The following DMD variants were observed in gnomAD, a reference collection of about 807,000 sequenced individuals.
DMD encodes the protein dystrophin.
DMD carries 63 observed loss-of-function variants against 330.1 expected under a neutral mutation model. That is an observed-to-expected ratio of 0.19 (90% CI 0.16 to 0.24). The LOEUF (loss-of-function observed/expected upper bound fraction) is 0.24. DMD is among the 10% of genes least tolerant of loss of function. The pLI, the probability that DMD is intolerant of heterozygous loss-of-function variation, is 1.00. For missense variants in DMD, 3,344 were observed against 2,684.1 expected (o/e 1.25, Z -5.43); for synonymous variants, 1,223 against 959.8 (o/e 1.27, Z -5.07).
chrX:32,470,728 G>C (rs1347338961), intron 22 of DMD, among the ~76,000 whole-genome samples: 1 of 110,958 alleles, frequency 9.0e-6, no homozygotes, highest in Non-Finnish European at 1.9e-5. Context: ...GCTACCATTT[G>C]GTATTGTAGT....
chrX:31,943,966 A>G (rs2095047440), intron 45 of DMD, among the ~76,000 whole-genome samples: 1 of 109,955 alleles, frequency 9.1e-6, no homozygotes, highest in Non-Finnish European at 1.9e-5. Flanking sequence ...ATACTCGAGC[A>G]GAAAGGCAAA....
At chrX:33,129,591 G>A (rs1698765682) in intron 1 of DMD, among the ~76,000 whole-genome samples, 2 of 107,767 alleles carry the variant, frequency 1.9e-5, no homozygotes, top group Admixed American at 1.0e-4. Context: ...CATGGACCGT[G>A]CTGGCAGTAA....
intron 44 of DMD, among the ~76,000 whole-genome samples, chrX:32,076,537 G>A (rs2096352823): frequency 9.2e-6 from 1 of 108,673 alleles, no homozygotes; most frequent in Non-Finnish European, 1.9e-5. Context: ...CTGCCAGCAC[G>A]CCCGGCTAAT....
intron 16 of DMD, among the ~76,000 whole-genome samples, chrX:32,563,149 GC>G (rs1365220369): frequency 2.7e-5 from 3 of 109,505 alleles, no homozygotes; most frequent in Non-Finnish European, 5.7e-5. Context: ...GACCACCCTG[GC>G]CAACATGGTG....
chrX:33,259,094 C>A lies in DMD; in HGVS notation c.7+80165G>T, dbSNP rs181890985. 1.1e-4 allele frequency among the ~76,000 whole-genome samples: 12 copies of A among 111,087 alleles called. No homozygotes were observed. In the East Asian group the frequency reaches 3.1e-3, roughly 29 times the overall value. On this transcript the variant is annotated intron_variant, in intron 1 of 17. Coordinates refer to the DMD transcript ENST00000288447. ...CCAAAGGAAGCTCATGAGCATATGG[C>A]GCTTTACTGTGCGTTTAAAAAATTG...
At chrX:32,715,610 G>A (rs1018258261) in intron 7 of DMD, among the ~76,000 whole-genome samples, 3 of 109,254 alleles carry the variant, frequency 2.7e-5, no homozygotes, top group Non-Finnish European at 5.7e-5. Flanking sequence ...TGAGACCCTG[G>A]CCAACATGGT....
Position 32,586,054 on chromosome X carries a change from T to G in DMD, c.1602+9703A>C, listed in dbSNP as rs746871646. Reference sequence around the variant, plus strand: ...TTTCATTAGAATATTCAACATTTATTTATACTTGATACAATGTGCAGTTGA... The same window carrying G: ...TTTCATTAGAATATTCAACATTTATGTATACTTGATACAATGTGCAGTTGA... On this transcript the variant is annotated intron_variant, in intron 13 of 78. Transcript: ENST00000357033. Among the ~76,000 whole-genome samples, 245 of 111,508 alleles carry G rather than the reference T, an allele frequency of 2.2e-3. 1 individual carries two copies. The highest frequency in any genetic ancestry group is 3.9e-3 in the Non-Finnish European group (205 of 53,083).
At chrX:31,871,804 A>G (rs1364943341) in intron 48 of DMD, among the ~76,000 whole-genome samples, 1 of 110,186 alleles carries the variant, frequency 9.1e-6, no homozygotes, top group East Asian at 2.9e-4. Flanking sequence ...AAGTAAAGCA[A>G]AGTCTAGTGT....
intron 2 of DMD, among the ~76,000 whole-genome samples, chrX:32,951,145 A>G (rs1195606345): frequency 1.8e-5 from 2 of 111,270 alleles, no homozygotes; most frequent in Non-Finnish European, 3.8e-5. Context: ...CCATGGGGTA[A>G]AACTACTGTG....
intron 13 of DMD, among the ~76,000 whole-genome samples, chrX:32,584,291 A>G (rs188355871): frequency 6.7e-4 from 75 of 112,020 alleles, no homozygotes; most frequent in Non-Finnish European, 1.4e-3. Context: ...GTATTCAAGA[A>G]GATATGAAGC....
chrX:32,874,329 G>A (rs933059833), intron 2 of DMD, among the ~76,000 whole-genome samples: 3 of 111,870 alleles, frequency 2.7e-5, no homozygotes, highest in African/African-American at 9.7e-5. Flanking sequence ...CAAAGATTGA[G>A]CTTAGAAAAT....
intron 60 of DMD, among the ~76,000 whole-genome samples, chrX:31,436,469 C>CA (rs199950204): frequency 0.12 from 12,088 of 100,843 alleles, 576 homozygotes; most frequent in East Asian, 0.24. Flanking sequence ...CTGATGCCTT[C>CA]AAAAAAAAAA....
At chrX:32,173,460 C>T (rs1018352857) in intron 44 of DMD, among the ~76,000 whole-genome samples, 6 of 110,845 alleles carry the variant, frequency 5.4e-5, no homozygotes, top group Non-Finnish European at 9.4e-5. Flanking sequence ...GCAACCTCCG[C>T]CTCCCAGGTT....
chrX:33,154,311 T>C (rs1333852973), intron 1 of DMD, among the ~76,000 whole-genome samples: 1 of 111,157 alleles, frequency 9.0e-6, no homozygotes, highest in African/African-American at 3.3e-5. Context: ...GCAGGAGAAT[T>C]GCTTGAGCCC....
chrX:32,733,760 A>C lies in DMD; in HGVS notation c.650-34467T>G, dbSNP rs868156495. On this transcript the variant is annotated intron_variant, in intron 7 of 78. Transcript: ENST00000357033. The stretch of plus-strand genomic sequence containing the variant: ...ACCAGAATCTCTGGGACACATTCAA[A>C]GCAGTGTGTAGAGGGAAATTTATAG... Among the ~76,000 whole-genome samples, 44 of 107,701 alleles carry C rather than the reference A, an allele frequency of 4.1e-4. No homozygotes were observed. In the Middle Eastern group the frequency reaches 0.019, roughly 46 times the overall value. 93.5% of individuals were successfully genotyped at this position (107,701 alleles called of 115,157 possible).
chrX:32,781,819 A>G (rs757690472), intron 7 of DMD, among the ~76,000 whole-genome samples: 13 of 111,588 alleles, frequency 1.2e-4, no homozygotes, highest in African/African-American at 3.9e-4. Flanking sequence ...AAGAATGCTC[A>G]CTAAAGATTT....
chrX:31,565,437 G>T (rs115387357), intron 55 of DMD, among the ~76,000 whole-genome samples: 1 of 111,966 alleles, frequency 8.9e-6, no homozygotes, highest in Non-Finnish European at 1.9e-5. Flanking sequence ...ATAATTCTGT[G>T]GAGATTGATC....
intron 9 of DMD, among the ~76,000 whole-genome samples, chrX:32,695,501 G>A (rs2063582155): frequency 9.0e-6 from 1 of 110,926 alleles, no homozygotes; most frequent in South Asian, 3.8e-4. Context: ...CTTGTTATAT[G>A]GACAAAATTA....
rs6631638 is a variant in DMD, at chrX:32,730,357, A to G, written c.650-31064T>C. The stretch of plus-strand genomic sequence containing the variant: ...TAATATCTTGTCTCTTAAAATAAAT[A>G]AAATGTAATGGTGCCATAAGTAAAT... On this transcript the variant is annotated intron_variant, in intron 7 of 78. Transcript: ENST00000357033. Among the ~76,000 whole-genome samples, 122 of 112,115 alleles carry G rather than the reference A, an allele frequency of 1.1e-3. 2 individuals carry two copies. The East Asian group carries it at 0.033, about 30-fold the overall frequency.
Sources: gnomAD v4.1 joint callset for allele counts (sites outside exome capture counted in the v4.1 genomes callset) on GRCh38, gnomAD v4.1.1 for gene constraint, MANE v1.5 for transcripts, NCBI Gene and HGNC (gene_info 2026-07-23, HGNC 2026-07-21) for gene names.